The following C1QTNF9 variants were observed in gnomAD, a reference collection of about 807,000 sequenced individuals.
The protein encoded by C1QTNF9 is complement C1q and tumor necrosis factor-related protein 9A.
C1QTNF9 carries 6 observed loss-of-function variants against 10.1 expected under a neutral mutation model. That is an observed-to-expected ratio of 0.59 (90% CI 0.32 to 1.17). The LOEUF is 1.17. Among genes scored for constraint, C1QTNF9 ranks in the 50% most tolerant of loss-of-function variants. The probability of loss-of-function intolerance (pLI) is 0.04; values close to 1 mark genes in which losing one functional copy is unlikely to be tolerated. For missense variants in C1QTNF9, 201 were observed against 418.8 expected (o/e 0.48, Z 4.54); for synonymous variants, 98 against 163.5 (o/e 0.60, Z 3.06).
chr13:24,310,240 G>T (rs371421516), intron 1 of C1QTNF9, among the ~76,000 whole-genome samples: 1 of 151,678 alleles, frequency 6.6e-6, no homozygotes, highest in Non-Finnish European at 1.5e-5. Flanking sequence ...TGCAAGCTCC[G>T]CCTCCCGGGT....
At chr13:24,317,464 C>T (rs772429662) in intron 2 of C1QTNF9, among the ~76,000 whole-genome samples, 2 of 152,054 alleles carry the variant, frequency 1.3e-5, no homozygotes, top group Non-Finnish European at 2.9e-5. Context: ...AGTGTCCATT[C>T]TTTCAAGTTT....
chr13:24,314,437 C>G (rs1426991360), intron 1 of C1QTNF9, among the ~76,000 whole-genome samples: 1 of 151,594 alleles, frequency 6.6e-6, no homozygotes, highest in East Asian at 1.9e-4. Context: ...AATCCCAGCA[C>G]TTTGGGAGGC....
chr13:24,319,341 C>G lies in C1QTNF9; in HGVS notation c.229+461C>G, dbSNP rs183612408. On this transcript the variant is annotated intron_variant, in intron 3 of 3. Transcript: ENST00000332018. ...ATCGCTTGAACCTAGGAGTTCCAGACCACCCTGGGCAACATAGTAAGACTT... is the reference window on the plus strand; with the variant it reads ...ATCGCTTGAACCTAGGAGTTCCAGAGCACCCTGGGCAACATAGTAAGACTT... Among the ~76,000 whole-genome samples, 401 of 152,188 alleles carry G rather than the reference C, an allele frequency of 2.6e-3. 2 individuals carry two copies. The highest frequency in any genetic ancestry group is 9.4e-3 in the African/African-American group (388 of 41,492).
At chr13:24,320,741 G>C (rs1358588763) in intron 3 of C1QTNF9, among the ~76,000 whole-genome samples, 1 of 151,312 alleles carries the variant, frequency 6.6e-6, no homozygotes, top group Admixed American at 6.6e-5. Context: ...TTTAGAGTCA[G>C]GGTATTGCTA....
intron 1 of C1QTNF9, among the ~76,000 whole-genome samples, chr13:24,312,874 G>C (rs910215585): frequency 6.7e-6 from 1 of 148,736 alleles, no homozygotes; most frequent in African/African-American, 2.5e-5. Flanking sequence ...AGAATGGTGC[G>C]AACCCGGGAG....
chr13:24,319,109 C>G (rs943491295), intron 3 of C1QTNF9, among the ~76,000 whole-genome samples: 1 of 152,176 alleles, frequency 6.6e-6, no homozygotes. Flanking sequence ...TCAACTTCCC[C>G]TTGTAGTGAA....
chr13:24,311,403 T>C (rs940105271), intron 1 of C1QTNF9, among the ~76,000 whole-genome samples: 5 of 152,272 alleles, frequency 3.3e-5, no homozygotes, highest in East Asian at 1.9e-4. Flanking sequence ...CCCTTTGCCC[T>C]GACCATGCCA....
At chr13:24,317,866 G>A (rs901242053) in intron 2 of C1QTNF9, among the ~76,000 whole-genome samples, 24 of 148,228 alleles carry the variant, frequency 1.6e-4, no homozygotes, top group African/African-American at 5.4e-4. Flanking sequence ...GAGGGGAGGG[G>A]AGCGCAGGGA....
intron 2 of C1QTNF9, among the ~76,000 whole-genome samples, chr13:24,317,137 T>C (rs1168537906): frequency 2.0e-5 from 3 of 152,098 alleles, no homozygotes; most frequent in Non-Finnish European, 4.4e-5. Flanking sequence ...CTGGCTCACA[T>C]CTCCAGCTCA....
chr13:24,314,219 CCCA>C (rs1191592873), intron 1 of C1QTNF9, among the ~76,000 whole-genome samples: 6 of 152,024 alleles, frequency 3.9e-5, no homozygotes, highest in African/African-American at 1.5e-4. Flanking sequence ...TTGCACTATG[CCCA>C]CGTTTTTGTT....
At chr13:24,318,443 C>A (rs939622195) in intron 2 of C1QTNF9, among the ~76,000 whole-genome samples, 5 of 152,158 alleles carry the variant, frequency 3.3e-5, no homozygotes, top group South Asian at 2.1e-4. Context: ...AGTGAGGAAA[C>A]CTCCTGGCAC....
At chr13:24,311,667 G>C (rs1877826650) in intron 1 of C1QTNF9, among the ~76,000 whole-genome samples, 1 of 152,216 alleles carries the variant, frequency 6.6e-6, no homozygotes, top group African/African-American at 2.4e-5. Context: ...CGCATGCCTT[G>C]AATTAGGATG....
intron 1 of C1QTNF9, among the ~76,000 whole-genome samples, chr13:24,311,726 A>G (rs7321024): frequency 0.82 from 124,650 of 152,188 alleles, 51,792 homozygotes; most frequent in East Asian, 1. Context: ...CTTATGCAAG[A>G]TAGAAGTCTA....
Position 24,314,693 on chromosome 13 carries a change from C to CAAAA in C1QTNF9, c.-22-1289_-22-1288insAAAA, listed in dbSNP as rs564732794. On this transcript the variant is annotated intron_variant, in intron 1 of 3. Coordinates refer to ENST00000332018, the Ensembl canonical transcript of C1QTNF9. ...ATCTCGAAAACAAAACAAAACAAAACCAAACCCAGGTGTGGTGGTGCATGC... is the reference window on the plus strand; with the variant it reads ...ATCTCGAAAACAAAACAAAACAAAACAAAACAAACCCAGGTGTGGTGGTGCATGC... Among the ~76,000 whole-genome samples the CAAAA allele has an allele frequency of 8.1e-4, 123 of 152,026 alleles. 1 individual carries two copies. The highest frequency in any genetic ancestry group is 2.9e-3 in the African/African-American group (120 of 41,454).
rs567332842 is a variant in C1QTNF9 at position 24,311,870 on chromosome 13, A to T, written c.-23+2254A>T. Among the ~76,000 whole-genome samples, 552 of 152,182 alleles carry T rather than the reference A, an allele frequency of 3.6e-3. 2 individuals carry two copies. The highest frequency in any genetic ancestry group is 5.0e-3 in the Non-Finnish European group (340 of 68,012). Reference sequence around the variant, plus strand: ...TCCCACATGGTTCACCATGCCATGCACACCCCCCCACAGGAAGCGGGAAAG... The same window carrying T: ...TCCCACATGGTTCACCATGCCATGCTCACCCCCCCACAGGAAGCGGGAAAG... On this transcript the variant is annotated intron_variant, in intron 1 of 3. Coordinates refer to ENST00000332018, the Ensembl canonical transcript of C1QTNF9.
chr13:24,312,309 A>G (rs906244812), intron 1 of C1QTNF9, among the ~76,000 whole-genome samples: 12 of 152,224 alleles, frequency 7.9e-5, no homozygotes, highest in Non-Finnish European at 1.5e-4. Context: ...CTAAGTGATC[A>G]TTAGTCTAGG....
At chr13:24,310,679 T>C (rs1474198432) in intron 1 of C1QTNF9, among the ~76,000 whole-genome samples, 6 of 151,332 alleles carry the variant, frequency 4.0e-5, no homozygotes, top group Admixed American at 3.9e-4. Context: ...TTTGGGAGGC[T>C]GAGGCGGGTG....
chr13:24,311,113 T>C (rs1288692512), intron 1 of C1QTNF9, among the ~76,000 whole-genome samples: 1 of 152,084 alleles, frequency 6.6e-6, no homozygotes, highest in Non-Finnish European at 1.5e-5. Context: ...CCAGGAGATA[T>C]CACTCAGCTG....
chr13:24,308,791 C>T (rs538280824), upstream of C1QTNF9, among the ~76,000 whole-genome samples: 14 of 152,230 alleles, frequency 9.2e-5, no homozygotes, highest in Admixed American at 3.3e-4. Flanking sequence ...CTGCTGCGTG[C>T]ACTGCGGCAT....
Sources: gnomAD v4.1 joint callset for allele counts (sites outside exome capture counted in the v4.1 genomes callset) on GRCh38, gnomAD v4.1.1 for gene constraint, MANE v1.5 for transcripts, NCBI Gene and HGNC (gene_info 2026-07-23, HGNC 2026-07-21) for gene names.